The following PMS1 variants were observed in gnomAD, a reference collection of about 807,000 sequenced individuals.
The protein encoded by PMS1 is PMS1 protein homolog 1.
A neutral mutation model predicts 93.1 loss-of-function variants in PMS1; 79 were observed. That is an observed-to-expected ratio of 0.85 (90% CI 0.71 to 1.02). The LOEUF (loss-of-function observed/expected upper bound fraction) is 1.02. PMS1 is among the 50% of genes least tolerant of loss of function. The probability of loss-of-function intolerance (pLI) is 0.00; values close to 1 mark genes in which losing one functional copy is unlikely to be tolerated. For missense variants in PMS1, 1,064 were observed against 1,085.3 expected (o/e 0.98, Z 0.28); for synonymous variants, 335 against 363.4 (o/e 0.92, Z 0.89).
chr2:189,815,092 A>T (rs1195543263), intron 4 of PMS1, among the ~76,000 whole-genome samples: 2 of 148,572 alleles, frequency 1.3e-5, no homozygotes, highest in Non-Finnish European at 3.0e-5. Flanking sequence ...GAGAGACTCC[A>T]TCTCAAAAAA....
At chr2:189,874,908 T>TA (rs908467506) in intron 12 of PMS1, among the ~76,000 whole-genome samples, 7 of 151,842 alleles carry the variant, frequency 4.6e-5, no homozygotes, top group Admixed American at 1.3e-4. Context: ...TGGGGAGAAA[T>TA]AAGAGTTCAG....
chr2:189,827,179 CA>C (rs2052508788), intron 5 of PMS1, among the ~76,000 whole-genome samples: 1 of 152,166 alleles, frequency 6.6e-6, no homozygotes, highest in Non-Finnish European at 1.5e-5. Context: ...TATTAACAGT[CA>C]AATAGAACAA....
chr2:189,864,677 AAAAAAAAAAAATATATATATATAT>A (rs2056428217), intron 10 of PMS1, among the ~76,000 whole-genome samples: 3 of 46,442 alleles, frequency 6.5e-5, no homozygotes, highest in African/African-American at 2.7e-4. Flanking sequence ...AAAAAAAAAA[AAAAAAAAAAAATATATATATATAT>A]ATATATATAT....
At chr2:189,813,130 C>T (rs79404189) in intron 4 of PMS1, among the ~76,000 whole-genome samples, 71 of 152,224 alleles carry the variant, frequency 4.7e-4, no homozygotes, top group African/African-American at 1.7e-3. Context: ...ATTGGAGAGA[C>T]TCCTAGGATA....
intron 12 of PMS1, among the ~76,000 whole-genome samples, chr2:189,874,288 C>A (rs256554): frequency 0.29 from 43,918 of 151,964 alleles, 10,791 homozygotes; most frequent in African/African-American, 0.67. Context: ...GGGGTTTAAA[C>A]TAATGCTACC....
chr2:189,798,756 GAT>G (rs56698217), intron 3 of PMS1, among the ~76,000 whole-genome samples: 27,666 of 124,354 alleles, frequency 0.22, 2,831 homozygotes, highest in African/African-American at 0.29. Flanking sequence ...ATAAGTATTT[GAT>G]TTTTTTTTTT....
intron 5 of PMS1, among the ~76,000 whole-genome samples, chr2:189,829,670 T>A: frequency 6.6e-6 from 1 of 152,164 alleles, no homozygotes; most frequent in East Asian, 1.9e-4. Flanking sequence ...CTCTGTAAAT[T>A]CATGAGCATT....
chr2:189,845,439 T>G (rs1019516659), intron 6 of PMS1, among the ~76,000 whole-genome samples: 1 of 152,198 alleles, frequency 6.6e-6, no homozygotes, highest in Non-Finnish European at 1.5e-5. Context: ...GACTATCTTA[T>G]GTAGTTTTTC....
intron 6 of PMS1, among the ~76,000 whole-genome samples, chr2:189,847,124 C>T (rs560876188): frequency 6.6e-5 from 10 of 151,784 alleles, no homozygotes; most frequent in Non-Finnish European, 8.8e-5. Context: ...CCCCCCAAAG[C>T]GCCCATTTCT....
At chr2:189,857,545 C>T (rs1455653892) in intron 9 of PMS1, 5 of 437,600 alleles carry the variant, frequency 1.1e-5, no homozygotes, top group South Asian at 8.7e-5. Flanking sequence ...CTTCTATAGA[C>T]CTTCAGTCCA....
At chr2:189,842,460 T>TCCTCTTTCA (rs2053892391) in intron 5 of PMS1, among the ~76,000 whole-genome samples, 1 of 152,174 alleles carries the variant, frequency 6.6e-6, no homozygotes, top group Non-Finnish European at 1.5e-5. Context: ...AATTGGACCT[T>TCCTCTTTCA]GTTGAACTGA....
At chr2:189,795,521 A>G (rs1314443925) in intron 2 of PMS1, among the ~76,000 whole-genome samples, 1 of 152,220 alleles carries the variant, frequency 6.6e-6, no homozygotes, top group South Asian at 2.1e-4. Context: ...AACAGTGAAA[A>G]GCAACCTTAA....
At chr2:189,872,781 T>G (rs1273348476) in intron 11 of PMS1, among the ~76,000 whole-genome samples, 1 of 152,092 alleles carries the variant, frequency 6.6e-6, no homozygotes, top group Non-Finnish European at 1.5e-5. Context: ...TACAGGCACG[T>G]ACCACCACAC....
At position 189,873,577 on chromosome 2, in the gene PMS1, A is replaced by C. The variant is rs145521752; in HGVS notation, c.2555A>C (p.Glu852Ala). 3.1e-6 allele frequency: 5 copies of C among 1,601,076 alleles called. No homozygotes were observed. In the African/African-American group the frequency reaches 6.7e-5, roughly 21 times the overall value. Reference sequence around the variant, plus strand: ...TTCTATGGAGTAGCAGATTTAAAAGAAATTCTTAATGCTATATTAAACAGA... The same window carrying C: ...TTCTATGGAGTAGCAGATTTAAAAGCAATTCTTAATGCTATATTAAACAGA... ...LPFYGVADLK[E>A]ILNAILNRNA... Residue 852 changes from glutamate (E) to alanine (A), a missense_variant, in exon 12 of 13, where the codon GAA becomes GCA. Transcript: ENST00000441310.
At chr2:189,811,505 G>A (rs1481382139) in intron 4 of PMS1, among the ~76,000 whole-genome samples, 1 of 152,164 alleles carries the variant, frequency 6.6e-6, no homozygotes, top group Non-Finnish European at 1.5e-5. Context: ...TGAGGCAGGA[G>A]AATCTCTTGA....
intron 6 of PMS1, among the ~76,000 whole-genome samples, chr2:189,845,516 A>G (rs533581458): frequency 1.8e-4 from 27 of 152,246 alleles, no homozygotes; most frequent in African/African-American, 6.5e-4. Context: ...TTAGCAATAA[A>G]ATCCAACTCT....
chr2:189,796,482 C>T lies in PMS1; in HGVS notation c.315+531C>T, dbSNP rs183865779. The stretch of plus-strand genomic sequence containing the variant: ...TGTATCTATAACCATTATTCATCTC[C>T]GCAACCTTTTCATTATTTCAAACTC... On this transcript the variant is annotated intron_variant, in intron 3 of 12. Coordinates refer to ENST00000441310, the MANE Select transcript of PMS1 (RefSeq NM_000534.5). Among the ~76,000 whole-genome samples, 23 of 152,264 alleles carry T rather than the reference C, an allele frequency of 1.5e-4. No homozygotes were observed. In the East Asian group the frequency reaches 2.9e-3, roughly 19 times the overall value.
chr2:189,810,016 G>C (rs916728443), intron 4 of PMS1, among the ~76,000 whole-genome samples: 1 of 152,170 alleles, frequency 6.6e-6, no homozygotes, highest in East Asian at 1.9e-4. Context: ...TCTTCCTTCT[G>C]TCTAGAGCTA....
chr2:189,844,087 T>C lies in PMS1; in HGVS notation c.699+7T>C, dbSNP rs535711609. ...CCACTCTGAAGAATCTCAGGTATAC[T>C]GCAAAAACATTCTCAGATAATTCTG... is the stretch of plus-strand genomic sequence containing the variant. On this transcript the variant is annotated splice_region_variant and intron_variant, in intron 6 of 12. Coordinates refer to ENST00000441310, the MANE Select transcript of PMS1 (RefSeq NM_000534.5). 6.8e-6 allele frequency: 11 copies of C among 1,613,210 alleles called. No individual in the cohort carries two copies. In the East Asian group the frequency reaches 2.2e-4, roughly 33 times the overall value.
Sources: allele counts gnomAD v4.1 joint callset (sites outside exome capture counted in the v4.1 genomes callset), GRCh38; gene constraint gnomAD v4.1.1; transcripts MANE v1.5; gene names NCBI Gene and HGNC (gene_info 2026-07-23, HGNC 2026-07-21).